The following C4orf50 variants were observed in gnomAD, a reference collection of about 807,000 sequenced individuals.
C4orf50 encodes chromosome 4 open reading frame 50.
In C4orf50, 80 loss-of-function variants were observed where a neutral mutation model predicts 77.2. The ratio of observed to expected loss-of-function variants is 1.04; its 90% CI spans 0.87 to 1.25. The LOEUF (loss-of-function observed/expected upper bound fraction) is 1.25. Among genes scored for constraint, C4orf50 ranks in the 50% most tolerant of loss-of-function variants. The pLI is 0.00. For synonymous variants in C4orf50, 532 were observed against 465.3 expected (o/e 1.14, Z -1.84); for missense variants, 1,257 against 1,152.9 (o/e 1.09, Z -1.31).
chr4:6,016,269 C>T (rs1245778062), intron 23 of C4orf50, among the ~76,000 whole-genome samples: 1 of 152,082 alleles, frequency 6.6e-6, no homozygotes, highest in Non-Finnish European at 1.5e-5. Context: ...AGTTTTGTGG[C>T]CAGGTGTGGT....
exon 8 of C4orf50, chr4:5,897,753 A>G (rs992509168): frequency 6.6e-6 from 1 of 152,232 alleles, no homozygotes; most frequent in Non-Finnish European, 1.5e-5. Flanking sequence ...CTGAAAACCC[A>G]GAGGGAGGGT....
chr4:5,950,033 T>C (rs1401516180), intron 7 of C4orf50, among the ~76,000 whole-genome samples: 2 of 151,492 alleles, frequency 1.3e-5, no homozygotes, highest in Non-Finnish European at 2.9e-5. Flanking sequence ...AAATGCAAAT[T>C]TTATAGGTTG....
chr4:5,951,671 C>T (rs899117421), intron 7 of C4orf50, among the ~76,000 whole-genome samples: 1 of 152,102 alleles, frequency 6.6e-6, no homozygotes, highest in Non-Finnish European at 1.5e-5. Context: ...ACAGTCCTTC[C>T]AACAGAAAAA....
intron 7 of C4orf50, among the ~76,000 whole-genome samples, chr4:5,912,256 CGTGTGTGTGTGTGT>C (rs58017259): frequency 6.8e-5 from 10 of 146,424 alleles, no homozygotes; most frequent in Admixed American, 3.4e-4. Flanking sequence ...GCACTCCACT[CGTGTGTGTGTGTGT>C]GTGTGTGTGT....
chr4:5,907,909 T>C (rs979015528), intron 7 of C4orf50, among the ~76,000 whole-genome samples: 7 of 152,164 alleles, frequency 4.6e-5, no homozygotes, highest in African/African-American at 9.6e-5. Flanking sequence ...GAAGGTGCCA[T>C]GAGGCAGAGG....
chr4:5,979,840 T>C (rs1720474794), intron 29 of C4orf50, among the ~76,000 whole-genome samples: 1 of 152,240 alleles, frequency 6.6e-6, no homozygotes, highest in African/African-American at 2.4e-5. Flanking sequence ...GGTACCTGTA[T>C]AGGTTTGCAC....
intron 7 of C4orf50, among the ~76,000 whole-genome samples, chr4:5,918,553 A>G (rs908062793): frequency 1.3e-5 from 2 of 152,270 alleles, no homozygotes; most frequent in Admixed American, 6.5e-5. Flanking sequence ...CAGCCCAGAG[A>G]GGAGTGGAGC....
chr4:5,920,990 C>A (rs536433983), intron 7 of C4orf50, among the ~76,000 whole-genome samples: 2 of 152,332 alleles, frequency 1.3e-5, no homozygotes, highest in African/African-American at 4.8e-5. Context: ...GACAGTCACC[C>A]TCATGCTGAA....
intron 32 of C4orf50, 52 bp from the exon 11 acceptor site, chr4:5,965,197 G>C (rs781646696): frequency 2.5e-6 from 4 of 1,568,914 alleles, no homozygotes; most frequent in Admixed American, 3.5e-5. Context: ...TAGGTGAAAA[G>C]TCTACAAGTG....
At position 6,017,063 on chromosome 4, in the gene C4orf50, T is replaced by C. The variant is rs1722709147; in HGVS notation, c.287+1082A>G. 6.6e-6 allele frequency among the ~76,000 whole-genome samples: 1 copy of C among 152,222 alleles called. No homozygotes were observed. The highest frequency in any genetic ancestry group is 1.5e-5 in the Non-Finnish European group (1 of 68,038). On this transcript the variant is annotated intron_variant, in intron 23 of 33. Coordinates refer to ENST00000531445, the Ensembl canonical transcript of C4orf50. This position sits in a 1 kb window ranked among gnomAD's most constrained non-coding sequence, Gnocchi z 4.7. Reference sequence around the variant, plus strand: ...GTCAAGACATCGTCAGGAAAGAAGATGGGCTTTAGAGAAAGACCTGGATTC... The same window carrying C: ...GTCAAGACATCGTCAGGAAAGAAGACGGGCTTTAGAGAAAGACCTGGATTC...
chr4:6,016,542 C>A (rs1475590857), intron 23 of C4orf50, among the ~76,000 whole-genome samples: 1 of 152,128 alleles, frequency 6.6e-6, no homozygotes, highest in Admixed American at 6.5e-5. Context: ...GAGTAAGACT[C>A]CATCTCAAAA....
intron 7 of C4orf50, among the ~76,000 whole-genome samples, chr4:5,920,513 G>C (rs1413148104): frequency 1.4e-5 from 2 of 138,650 alleles, no homozygotes; most frequent in Non-Finnish European, 3.0e-5. Flanking sequence ...GTCTCACTCT[G>C]TCACCCAGGC....
intron 29 of C4orf50, among the ~76,000 whole-genome samples, chr4:5,976,370 G>A (rs577998435): frequency 2.6e-5 from 4 of 151,302 alleles, no homozygotes; most frequent in Middle Eastern, 3.4e-3. Context: ...GCAGGAGAAC[G>A]GCGTAAACCC....
chr4:5,931,820 A>G (rs1355694292), intron 7 of C4orf50, among the ~76,000 whole-genome samples: 1 of 152,070 alleles, frequency 6.6e-6, no homozygotes, highest in Non-Finnish European at 1.5e-5. Flanking sequence ...TGACACAGAA[A>G]TCACCACCCC....
intron 7 of C4orf50, among the ~76,000 whole-genome samples, chr4:5,934,463 G>T (rs1432515706): frequency 2.6e-5 from 4 of 152,222 alleles, no homozygotes; most frequent in Non-Finnish European, 5.9e-5. Flanking sequence ...GAAGCTCCAG[G>T]CTCGCTGGTC....
At chr4:5,991,212 A>C (rs1721265979) in intron 27 of C4orf50, among the ~76,000 whole-genome samples, 1 of 152,176 alleles carries the variant, frequency 6.6e-6, no homozygotes, top group Non-Finnish European at 1.5e-5. Context: ...AACTCCCCCT[A>C]TAGCCCTGCC....
At chr4:6,002,507 C>T (rs115852032) in intron 25 of C4orf50, among the ~76,000 whole-genome samples, 1,971 of 152,326 alleles carry the variant, frequency 0.013, 45 homozygotes, top group African/African-American at 0.045. Context: ...CGGGAATACC[C>T]CAGGTGATCT....
At chr4:5,928,405 A>G (rs148416430) in intron 7 of C4orf50, among the ~76,000 whole-genome samples, 1 of 151,112 alleles carries the variant, frequency 6.6e-6, no homozygotes, top group Non-Finnish European at 1.5e-5. Flanking sequence ...CACACCCTGA[A>G]GATACCTCGG....
intron 7 of C4orf50, among the ~76,000 whole-genome samples, chr4:5,922,757 G>T (rs1269361456): frequency 6.6e-6 from 1 of 152,192 alleles, no homozygotes; most frequent in Admixed American, 6.5e-5. Flanking sequence ...ATGGGCAGAT[G>T]GATGCCAGAC....
Sources: allele counts gnomAD v4.1 joint callset (sites outside exome capture counted in the v4.1 genomes callset), GRCh38; gene constraint gnomAD v4.1.1; non-coding constraint Gnocchi (gnomAD v3.1); transcripts MANE v1.5; gene names NCBI Gene and HGNC (gene_info 2026-07-23, HGNC 2026-07-21).